The following EGFR variants were observed in gnomAD, a reference collection of about 807,000 sequenced individuals.
EGFR encodes epidermal growth factor receptor, also known as avian erythroblastic leukemia viral (v-erb-b) oncogene homolog.
Under a neutral mutation model 143.0 loss-of-function variants are expected in EGFR, and 58 were observed. The ratio of observed to expected loss-of-function variants is 0.41; its 90% CI spans 0.33 to 0.50. The LOEUF is 0.50. EGFR is among the 20% of genes least tolerant of loss of function. EGFR has a pLI of 0.39. For synonymous variants in EGFR, 613 were observed against 594.4 expected, an observed-to-expected ratio of 1.03 and a Z score of -0.45; for missense variants, 1,307 against 1,579.0, an observed-to-expected ratio of 0.83 and a Z score of 2.92.
chr7:55,053,365 G>A (rs1053491750), intron 1 of EGFR, among the ~76,000 whole-genome samples: 7 of 152,176 alleles, frequency 4.6e-5, no homozygotes, highest in South Asian at 2.1e-4. Flanking sequence ...CTGCATAAAC[G>A]TGTGTGATCT....
intron 1 of EGFR, among the ~76,000 whole-genome samples, chr7:55,036,807 A>C (rs1209838304): frequency 1.3e-5 from 2 of 152,214 alleles, no homozygotes; most frequent in Non-Finnish European, 2.9e-5. Flanking sequence ...CTGCTCCATT[A>C]CACAGATAAA....
intron 22 of EGFR, among the ~76,000 whole-genome samples, chr7:55,198,275 C>A (rs942723873): frequency 6.6e-6 from 1 of 152,076 alleles, no homozygotes; most frequent in Non-Finnish European, 1.5e-5. Context: ...TTTTTATGAT[C>A]TAAAAATGTG....
chr7:55,200,253 A>G, intron 23 of EGFR, 63 bp from the exon 24 acceptor site: 2 of 1,470,544 alleles, frequency 1.4e-6, no homozygotes, highest in Non-Finnish European at 1.9e-6. Flanking sequence ...TCTTTAAGCA[A>G]TGCCATCTTT....
At chr7:55,169,471 C>G (rs143717145) in intron 15 of EGFR, among the ~76,000 whole-genome samples, 34 of 152,148 alleles carry the variant, frequency 2.2e-4, no homozygotes, top group African/African-American at 7.0e-4. Context: ...AAATCTTTAT[C>G]CTAATAAACC....
intron 4 of EGFR, among the ~76,000 whole-genome samples, chr7:55,150,523 C>A (rs903062489): frequency 6.6e-6 from 1 of 152,200 alleles, no homozygotes; most frequent in Non-Finnish European, 1.5e-5. Flanking sequence ...CCCATGAACA[C>A]CTCTAGTTTA....
At chr7:55,069,771 G>A (rs543629807) in intron 1 of EGFR, among the ~76,000 whole-genome samples, 2 of 152,314 alleles carry the variant, frequency 1.3e-5, no homozygotes, top group East Asian at 3.9e-4. Flanking sequence ...TGCCTGCATA[G>A]ACTCTAGTGT....
intron 8 of EGFR, among the ~76,000 whole-genome samples, chr7:55,156,317 C>T (rs1172373895): frequency 6.6e-6 from 1 of 152,162 alleles, no homozygotes; most frequent in Non-Finnish European, 1.5e-5. Flanking sequence ...TCTCCTACAC[C>T]GCCGTAGCCC....
chr7:55,084,240 C>T (rs576652326), intron 1 of EGFR, among the ~76,000 whole-genome samples: 34 of 152,266 alleles, frequency 2.2e-4, no homozygotes, highest in Middle Eastern at 3.4e-3. Flanking sequence ...GCTCCAGGTC[C>T]TCTTCCAGGC....
intron 1 of EGFR, among the ~76,000 whole-genome samples, chr7:55,091,586 G>A (rs1303959335): frequency 6.6e-6 from 1 of 152,190 alleles, no homozygotes; most frequent in African/African-American, 2.4e-5. Flanking sequence ...AGTTGAATAA[G>A]TTGAGAAATG....
chr7:55,131,705 T>G (rs1793847267), intron 1 of EGFR, among the ~76,000 whole-genome samples: 3 of 152,302 alleles, frequency 2.0e-5, no homozygotes, highest in South Asian at 2.1e-4. Flanking sequence ...CTGTCAGTAC[T>G]GAGAGTTGCA....
At chr7:55,060,477 A>G (rs1789101798) in intron 1 of EGFR, among the ~76,000 whole-genome samples, 1 of 152,240 alleles carries the variant, frequency 6.6e-6, no homozygotes, top group African/African-American at 2.4e-5. Flanking sequence ...ATGAGGCAAA[A>G]CAAACAACAA....
chr7:55,066,254 T>G (rs1418867380), intron 1 of EGFR, among the ~76,000 whole-genome samples: 4 of 152,194 alleles, frequency 2.6e-5, no homozygotes, highest in Non-Finnish European at 4.4e-5. Flanking sequence ...AAGTGAAAAC[T>G]AAAAAATTAA....
chr7:55,093,363 T>C (rs4947973), intron 1 of EGFR, among the ~76,000 whole-genome samples: 106,770 of 152,154 alleles, frequency 0.7, 37,834 homozygotes, highest in East Asian at 0.97. Context: ...AATTGTGCTG[T>C]TCATTTTTAC....
chr7:55,146,796 C>A (rs2128929781), intron 4 of EGFR, 56 bp downstream of exon 4: 1 of 1,611,460 alleles, frequency 6.2e-7, no homozygotes, highest in South Asian at 1.1e-5. Flanking sequence ...GACAGCTCTA[C>A]AGCACTGGGG....
intron 1 of EGFR, among the ~76,000 whole-genome samples, chr7:55,131,598 C>T (rs915616078): frequency 5.3e-5 from 8 of 152,156 alleles, no homozygotes; most frequent in Non-Finnish European, 7.4e-5. Context: ...TTGGGCCCCT[C>T]GGACACTCCC....
At chr7:55,042,549 G>T (rs986854438) in intron 1 of EGFR, among the ~76,000 whole-genome samples, 6 of 152,090 alleles carry the variant, frequency 3.9e-5, no homozygotes, top group African/African-American at 1.4e-4. Flanking sequence ...TCTACTTATA[G>T]TTCCATGCAG....
At position 55,160,214 on chromosome 7, in the gene EGFR, T is replaced by A; in HGVS notation, c.1374T>A (p.Asp458Glu). ...LGLRSLKEIS[D>E]GDVIISGNKN... The stretch of plus-strand genomic sequence containing the variant: ...TACGCTCCCTCAAGGAGATAAGTGA[T>A]GGAGATGTGATAATTTCAGGAAACA... The change falls in exon 12 of 28, where the codon GAT becomes GAA. Residue 458 changes from aspartate (D) to glutamate (E), a missense_variant. Physicochemically the swap from Asp to Glu is conservative, Grantham distance 45 (BLOSUM62 2). Around this residue, in one of 7 missense-constraint regions of EGFR, gnomAD observed 250 missense variants for 295.1 expected, o/e 0.85. Coordinates refer to ENST00000275493, the MANE Select transcript of EGFR (RefSeq NM_005228.5). The A allele has an allele frequency of 6.2e-7, 1 of 1,614,088 alleles. No individual in the cohort carries two copies. Among genetic ancestry groups the A allele is most frequent in the Non-Finnish European group, 8.5e-7 (1 of 1,179,968 alleles).
chr7:55,205,151 C>G (rs1008166787), intron 27 of EGFR, 105 bp from the exon 28 acceptor site: 48 of 1,532,622 alleles, frequency 3.1e-5, no homozygotes, highest in Non-Finnish European at 2.4e-5. Context: ...TGCTCCCTGT[C>G]ATAAGTCTCC....
At chr7:55,131,664 C>A (rs1793843732) in intron 1 of EGFR, among the ~76,000 whole-genome samples, 1 of 152,208 alleles carries the variant, frequency 6.6e-6, no homozygotes, top group South Asian at 2.1e-4. Flanking sequence ...CCTCTGCCCC[C>A]CAGCAATTCA....
Sources: gnomAD v4.1 joint callset for allele counts (sites outside exome capture counted in the v4.1 genomes callset) on GRCh38, gnomAD v4.1.1 for gene constraint, gnomAD v4.1.1 regional missense constraint, MANE v1.5 for transcripts, NCBI Gene and HGNC (gene_info 2026-07-23, HGNC 2026-07-21) for gene names.